Variants in TNFAIP8 observed in about 807,000 individuals in gnomAD.
TNFAIP8 encodes TNF alpha induced protein 8.
In TNFAIP8, 7 loss-of-function variants were observed where a neutral mutation model predicts 13.3. That is an observed-to-expected ratio of 0.52 (90% confidence interval 0.30 to 0.99). The LOEUF (loss-of-function observed/expected upper bound fraction) is 0.99. TNFAIP8 is among the 50% of genes least tolerant of loss of function. The pLI, the probability that TNFAIP8 is intolerant of heterozygous loss-of-function variation, is 0.07. For missense variants in TNFAIP8, 258 were observed against 236.9 expected (o/e 1.09, Z -0.58); for synonymous variants, 94 against 87.6 (o/e 1.07, Z -0.41).
chr5:119,345,179 G>A (rs890005494), intron 1 of TNFAIP8, among the ~76,000 whole-genome samples: 6 of 151,986 alleles, frequency 3.9e-5, no homozygotes, highest in Non-Finnish European at 8.8e-5. Flanking sequence ...ATGTTTTTAC[G>A]TTACTCTTCA....
chr5:119,301,987 G>A (rs964844434), intron 1 of TNFAIP8, among the ~76,000 whole-genome samples: 4 of 152,198 alleles, frequency 2.6e-5, no homozygotes, highest in African/African-American at 9.7e-5. Context: ...TTATCTTCAG[G>A]AATGAAGGTA....
intron 1 of TNFAIP8, among the ~76,000 whole-genome samples, chr5:119,309,655 C>T (rs1301475675): frequency 6.6e-6 from 1 of 152,160 alleles, no homozygotes; most frequent in African/African-American, 2.4e-5. Context: ...ATGGGAGGAG[C>T]AGGGGAGGCA....
chr5:119,351,024 GTGTGTGTGTGTA>G (rs1751116404), upstream of TNFAIP8, among the ~76,000 whole-genome samples: 1 of 151,108 alleles, frequency 6.6e-6, no homozygotes, highest in African/African-American at 2.4e-5. Context: ...GTGTGTGTGT[GTGTGTGTGTGTA>G]GAGAGAGAGA....
At chr5:119,307,605 AT>A (rs1749606196) in intron 1 of TNFAIP8, among the ~76,000 whole-genome samples, 1 of 152,056 alleles carries the variant, frequency 6.6e-6, no homozygotes, top group Non-Finnish European at 1.5e-5. Flanking sequence ...TAAGGTGCAT[AT>A]TTTTCATTTT....
chr5:119,329,041 G>A (rs1311941344), intron 1 of TNFAIP8, among the ~76,000 whole-genome samples: 1 of 152,202 alleles, frequency 6.6e-6, no homozygotes, highest in Non-Finnish European at 1.5e-5. Flanking sequence ...TGAATCATAG[G>A]AAGACAGACG....
rs1324521590 is a variant in TNFAIP8 at position 119,306,314 on chromosome 5, C to CTTTT, written c.1+37410_1+37411insTTTT. 3.8e-4 allele frequency: 52 copies of CTTTT among 135,934 alleles called. 3 individuals carry two copies. Among genetic ancestry groups the CTTTT allele is most frequent in the African/African-American group, 1.7e-3 (51 of 29,508 alleles). 8.4% of individuals were successfully genotyped at this position (135,934 alleles called of 1,614,324 possible). On this transcript the variant is annotated intron_variant, in intron 1 of 1. Coordinates refer to the TNFAIP8 transcript ENST00000274456. Reference sequence around the variant, plus strand: ...TTTCTCTTTTCTTTTTTCTTTCTTTCTTTCTTTTTCTTTTTTTTTTTTTTT... The same window carrying CTTTT: ...TTTCTCTTTTCTTTTTTCTTTCTTTCTTTTTTTCTTTTTCTTTTTTTTTTTTTTT...
chr5:119,380,586 T>C (rs1483448793), intron 1 of TNFAIP8, among the ~76,000 whole-genome samples: 1 of 152,224 alleles, frequency 6.6e-6, no homozygotes, highest in Non-Finnish European at 1.5e-5. Flanking sequence ...TCCAGCTTAA[T>C]TGAAAAGTCT....
chr5:119,372,537 A>G (rs571308465), intron 1 of TNFAIP8, among the ~76,000 whole-genome samples: 2 of 152,344 alleles, frequency 1.3e-5, no homozygotes, highest in Non-Finnish European at 2.9e-5. Flanking sequence ...ATAAATTCCT[A>G]GCTTTGTTAA....
At chr5:119,317,401 A>G (rs533536460) in intron 1 of TNFAIP8, among the ~76,000 whole-genome samples, 1 of 152,008 alleles carries the variant, frequency 6.6e-6, no homozygotes, top group Non-Finnish European at 1.5e-5. Flanking sequence ...TATATAAGAA[A>G]TCTGATTCTA....
chr5:119,355,348 T>C (rs1326662684), upstream of TNFAIP8: 1 of 702,452 alleles, frequency 1.4e-6, no homozygotes, highest in East Asian at 2.7e-5. Flanking sequence ...CGCCCGGGGC[T>C]ATACTGAATG....
At chr5:119,280,864 C>T (rs67186626) in intron 1 of TNFAIP8, among the ~76,000 whole-genome samples, 14,104 of 152,040 alleles carry the variant, frequency 0.093, 980 homozygotes, top group African/African-American at 0.19. Context: ...ACTCAGTTTT[C>T]AAGAATTGAT....
chr5:119,275,371 T>A (rs1052501397), intron 1 of TNFAIP8, among the ~76,000 whole-genome samples: 2 of 152,148 alleles, frequency 1.3e-5, no homozygotes, highest in African/African-American at 4.8e-5. Context: ...AAATCCAGTA[T>A]GCCAGCTGAC....
chr5:119,344,946 AATGGCAGCTGGAAAC>A (rs1395412116), intron 1 of TNFAIP8, among the ~76,000 whole-genome samples: 2 of 152,204 alleles, frequency 1.3e-5, no homozygotes, highest in African/African-American at 2.4e-5. Context: ...GACAGGTCCT[AATGGCAGCTGGAAAC>A]ATGTAGGCTA....
At chr5:119,385,580 T>C (rs1752638669) in intron 1 of TNFAIP8, among the ~76,000 whole-genome samples, 1 of 152,164 alleles carries the variant, frequency 6.6e-6, no homozygotes, top group Non-Finnish European at 1.5e-5. Context: ...AATCTATTGC[T>C]AACAAGAAAG....
chr5:119,324,905 TCATGTTATTAATACTCTG>T (rs1288881120), intron 1 of TNFAIP8, among the ~76,000 whole-genome samples: 2 of 152,150 alleles, frequency 1.3e-5, no homozygotes, highest in African/African-American at 2.4e-5. Flanking sequence ...TGAAGAGTTC[TCATGTTATTAATACTCTG>T]CAAGATCGGT....
Position 119,398,026 on chromosome 5 carries a change from G to A in TNFAIP8, c.*4645G>A, listed in dbSNP as rs1428905370. On this transcript the variant is annotated 3_prime_UTR_variant, in exon 2 of 2. Transcript: ENST00000504771. ...AGAAAGGATATGGACAAGTCAGTCA[G>A]CATTCACAATTAAGAGAAAAACATC... The A allele has an allele frequency of 2.6e-5, 4 of 152,238 alleles. No homozygotes were observed. The highest frequency in any genetic ancestry group is 4.4e-5 in the Non-Finnish European group (3 of 68,054). 9.4% of individuals were successfully genotyped at this position (152,238 alleles called of 1,614,324 possible).
intron 1 of TNFAIP8, among the ~76,000 whole-genome samples, chr5:119,326,095 G>C (rs1409184793): frequency 1.3e-5 from 2 of 152,140 alleles, no homozygotes; most frequent in African/African-American, 4.8e-5. Context: ...CATGTCCCCA[G>C]CATCTAAGTC....
chr5:119,353,581 T>C (rs10064668), upstream of TNFAIP8, among the ~76,000 whole-genome samples: 24,252 of 152,162 alleles, frequency 0.16, 3,647 homozygotes, highest in African/African-American at 0.4. Flanking sequence ...GAAGTTTCTC[T>C]CCAGGCTTCC....
rs537865640 is a variant in TNFAIP8 at position 119,372,508 on chromosome 5, A to G, written c.31+16387A>G. Reference sequence around the variant, plus strand: ...CAAAGATATGACCGTAAACCTTGCTAATCATTTGACTAAGTAAAATAAATT... The same window carrying G: ...CAAAGATATGACCGTAAACCTTGCTGATCATTTGACTAAGTAAAATAAATT... On this transcript the variant is annotated intron_variant, in intron 1 of 1. Coordinates refer to ENST00000504771, the MANE Select transcript of TNFAIP8 (RefSeq NM_014350.4). 2.6e-5 allele frequency among the ~76,000 whole-genome samples: 4 copies of G among 152,344 alleles called. No homozygotes were observed. The East Asian group carries it at 5.8e-4, about 22-fold the overall frequency.
Sources: allele counts gnomAD v4.1 joint callset (sites outside exome capture counted in the v4.1 genomes callset), GRCh38; gene constraint gnomAD v4.1.1; transcripts MANE v1.5; gene names NCBI Gene and HGNC (gene_info 2026-07-23, HGNC 2026-07-21).